The following PCDHGA9 variants were observed in gnomAD, a reference collection of about 807,000 sequenced individuals.
The protein encoded by PCDHGA9 is protocadherin gamma-A9.
In PCDHGA9, 37 loss-of-function variants were observed where a neutral mutation model predicts 62.5. The ratio of observed to expected loss-of-function variants is 0.59; its 90% CI spans 0.46 to 0.78. The LOEUF (loss-of-function observed/expected upper bound fraction) is 0.78. Among genes scored for constraint, PCDHGA9 ranks in the 30% least tolerant of loss-of-function variants. The pLI is 0.00. For missense variants in PCDHGA9, 1,138 were observed against 1,166.2 expected (o/e 0.98, Z 0.35); for synonymous variants, 459 against 484.6 (o/e 0.95, Z 0.69).
Position 141,489,089 on chromosome 5 carries a change from A to T in PCDHGA9, c.2425-5718A>T, listed in dbSNP as rs1214993065. The T allele has an allele frequency of 7.4e-5, 21 of 284,398 alleles. No homozygotes were observed. Among genetic ancestry groups the T allele is most frequent in the East Asian group, 1.1e-4 (2 of 17,560 alleles). The allele number at this position is 284,398 out of a possible 1,614,324, so 17.6% of individuals were successfully genotyped here. On this transcript the variant is annotated intron_variant, in intron 1 of 3. Coordinates refer to ENST00000573521, the MANE Select transcript of PCDHGA9 (RefSeq NM_018921.3). This position sits in a 1 kb window ranked among gnomAD's most constrained non-coding sequence, Gnocchi z 4.5. ...CCCTGCCCACCCCCGCCACTCGGTGACTAAGAACTGCTGCAAGCAGGCAAA... is the reference window on the plus strand; with the variant it reads ...CCCTGCCCACCCCCGCCACTCGGTGTCTAAGAACTGCTGCAAGCAGGCAAA...
rs2154586601 is a variant in PCDHGA9, at chr5:141,491,555, A to G, written c.2425-3252A>G. The G allele has an allele frequency of 6.2e-7, 1 of 1,613,986 alleles. No homozygotes were observed. The highest frequency in any genetic ancestry group is 2.2e-5 in the East Asian group (1 of 44,862). ...CTGCGGCCCACAGACTCGCAGAGCC[A>G]CTGCTACAGGACGTGCTTTTCACCG... On this transcript the variant is annotated intron_variant, in intron 1 of 3. Transcript: ENST00000573521. This position sits in a 1 kb window ranked among gnomAD's most constrained non-coding sequence, Gnocchi z 6.9.
In PCDHGA9 at chr5:141,486,336, G is replaced by A. The variant is rs534793835; in HGVS notation, c.2425-8471G>A. 3.8e-5 allele frequency: 61 copies of A among 1,613,992 alleles called. No individual in the cohort carries two copies. In the African/African-American group the frequency reaches 4.3e-4, roughly 11 times the overall value. On this transcript the variant is annotated intron_variant, in intron 1 of 3. Coordinates refer to ENST00000573521, the MANE Select transcript of PCDHGA9 (RefSeq NM_018921.3). The surrounding 1 kb of genome is among the most constrained non-coding windows in gnomAD (Gnocchi z 5.0). The stretch of plus-strand genomic sequence containing the variant: ...GGGTCAAACGGAGATGTGAGCCTCC[G>A]CATTCCTGACCACTTGCCATTTGCC...
Position 141,417,931 on chromosome 5 carries a change from G to C in PCDHGA9, c.2424+12555G>C, listed in dbSNP as rs551432799. The C allele has an allele frequency of 6.2e-6, 10 of 1,611,500 alleles. No homozygotes were observed. In the South Asian group the frequency reaches 9.9e-5, roughly 16 times the overall value. On this transcript the variant is annotated intron_variant, in intron 1 of 3. Transcript: ENST00000573521. ...TACTATTTCCTTTGCTGCTGCCTTT[G>C]TTCTACCCCACGCTGTGTGAGCCGA...
rs2099612668 is a variant in PCDHGA9, at chr5:141,485,382, TGA to T, written c.2425-9424_2425-9423del. The T allele has an allele frequency of 6.2e-7, 1 of 1,613,538 alleles. No homozygotes were observed. The highest frequency in any genetic ancestry group is 8.5e-7 in the Non-Finnish European group (1 of 1,179,906). On this transcript the variant is annotated intron_variant, in intron 1 of 3. Coordinates refer to ENST00000573521, the MANE Select transcript of PCDHGA9 (RefSeq NM_018921.3). The surrounding 1 kb of genome is among the most constrained non-coding windows in gnomAD (Gnocchi z 5.7). ...CGCAGGCTGCAGGTCGCTGGAGAGG[TGA>T]ACCAAAGACACTTCCGTGTGGATTT...
intron 1 of PCDHGA9, chr5:141,408,244 G>A (rs746604555): frequency 6.3e-7 from 1 of 1,585,990 alleles, no homozygotes; most frequent in Non-Finnish European, 8.6e-7. Context: ...CCGGCCCGCG[G>A]CAGGTGCTAT....
rs762138055 is a variant in PCDHGA9, at chr5:141,490,757, T to C, written c.2425-4050T>C. 6.2e-7 allele frequency: 1 copy of C among 1,613,918 alleles called. No homozygotes were observed. The highest frequency in any genetic ancestry group is 2.2e-5 in the East Asian group (1 of 44,892). On this transcript the variant is annotated intron_variant, in intron 1 of 3. Coordinates refer to ENST00000573521, the MANE Select transcript of PCDHGA9 (RefSeq NM_018921.3). The surrounding 1 kb of genome is among the most constrained non-coding windows in gnomAD (Gnocchi z 5.4). ...GTTCAGGGAGCCCCAGCCTCCTCCT[T>C]TGTGTATGTCAACCCAGAGGATGGA...
chr5:141,421,239 G>T (rs773410079), intron 1 of PCDHGA9: 5 of 1,599,000 alleles, frequency 3.1e-6, no homozygotes, highest in Middle Eastern at 3.3e-4. Flanking sequence ...TGGCGAATCG[G>T]CTACAGCGCG....
intron 1 of PCDHGA9, among the ~76,000 whole-genome samples, chr5:141,463,684 G>C (rs2099066814): frequency 6.6e-6 from 1 of 151,910 alleles, no homozygotes; most frequent in African/African-American, 2.4e-5. Flanking sequence ...ATGACCTCGT[G>C]ATCTGCTCAC....
At position 141,450,006 on chromosome 5, in the gene PCDHGA9, C is replaced by CTTTTT. The variant is rs1554136305; in HGVS notation, c.2424+44644_2424+44648dup. ...CACATTGCATTTAGTTGCCATGTCTCTTTTTTTTTTTTTTTTTTGAGACAG... is the reference window on the plus strand; with the variant it reads ...CACATTGCATTTAGTTGCCATGTCTCTTTTTTTTTTTTTTTTTTTTTTTGAGACAG... On this transcript the variant is annotated intron_variant, in intron 1 of 3. Transcript: ENST00000573521. Among the ~76,000 whole-genome samples the CTTTTT allele has an allele frequency of 3.4e-4, 45 of 132,908 alleles. 3 individuals carry two copies. Among genetic ancestry groups the CTTTTT allele is most frequent in the South Asian group, 7.1e-4 (3 of 4,236 alleles). 87.2% of individuals were successfully genotyped at this position (132,908 alleles called of 152,430 possible).
chr5:141,477,710 GA>G lies in PCDHGA9; in HGVS notation c.2425-17095del. ...GCCCCTAGACTATGAGGATCGGCGG[GA>G]ATTTGAATTAACAGCTCATATCAGC... On this transcript the variant is annotated intron_variant, in intron 1 of 3. Coordinates refer to ENST00000573521, the MANE Select transcript of PCDHGA9 (RefSeq NM_018921.3). This position sits in a 1 kb window ranked among gnomAD's most constrained non-coding sequence, Gnocchi z 4.9. 2 of 1,613,918 alleles carry G rather than the reference GA, an allele frequency of 1.2e-6. No individual in the cohort carries two copies. Among genetic ancestry groups the G allele is most frequent in the Non-Finnish European group, 1.7e-6 (2 of 1,180,044 alleles).
chr5:141,495,122 C>T (rs1365586518), intron 2 of PCDHGA9, among the ~76,000 whole-genome samples: 2 of 152,282 alleles, frequency 1.3e-5, no homozygotes, highest in East Asian at 3.9e-4. Flanking sequence ...TTCCTATCCC[C>T]TGAGGGCACT....
chr5:141,487,001 C>T lies in PCDHGA9; in HGVS notation c.2425-7806C>T. ...TTACAATGCTTGGGTTTCCTATCAG[C>T]TCCTGGAGGCCCCAGATCCCAGCCT... On this transcript the variant is annotated intron_variant, in intron 1 of 3. Transcript: ENST00000573521. This position sits in a 1 kb window ranked among gnomAD's most constrained non-coding sequence, Gnocchi z 5.0. 6.2e-7 allele frequency: 1 copy of T among 1,614,218 alleles called. No individual in the cohort carries two copies. The highest frequency in any genetic ancestry group is 8.5e-7 in the Non-Finnish European group (1 of 1,180,038).
rs199552905 is a variant in PCDHGA9 at position 141,423,400 on chromosome 5, C to A, written c.2424+18024C>A. On this transcript the variant is annotated intron_variant, in intron 1 of 3. Transcript: ENST00000573521. Reference sequence around the variant, plus strand: ...GCTGTGGCGCTGGCATAAGTCACGCCTGCTGCAGGCTTCTGAAGGCGGGTT... The same window carrying A: ...GCTGTGGCGCTGGCATAAGTCACGCATGCTGCAGGCTTCTGAAGGCGGGTT... 62 of 1,614,152 alleles carry A rather than the reference C, an allele frequency of 3.8e-5. No homozygotes were observed. The African/African-American group carries it at 6.9e-4, about 18-fold the overall frequency.
chr5:141,451,745 G>T (rs562443882), intron 1 of PCDHGA9, among the ~76,000 whole-genome samples: 36 of 152,242 alleles, frequency 2.4e-4, no homozygotes, highest in Middle Eastern at 3.4e-3. Context: ...AGCTGGTCTG[G>T]TGGTGCATGC....
At chr5:141,429,610 T>C (rs2097228693) in intron 1 of PCDHGA9, among the ~76,000 whole-genome samples, 2 of 152,230 alleles carry the variant, frequency 1.3e-5, no homozygotes, top group African/African-American at 4.8e-5. Flanking sequence ...AACTCAATTT[T>C]ATGTCTGATA....
intron 1 of PCDHGA9, among the ~76,000 whole-genome samples, chr5:141,430,204 AATT>A (rs1179966513): frequency 6.6e-6 from 1 of 151,962 alleles, no homozygotes; most frequent in African/African-American, 2.4e-5. Context: ...AGAAAGTTTA[AATT>A]ATTATATTAT....
rs766940096 is a variant in PCDHGA9, at chr5:141,404,337, C to T, written c.1385C>T (p.Pro462Leu). The change falls in exon 1 of 4, where the codon CCG becomes CTG. Residue 462 changes from proline to leucine, a missense_variant. Transcript: ENST00000573521. ...FSQASYSVYL[P>L]ENNARGTSIF... ...CAAGCCTCCTACTCAGTCTACCTCC[C>T]GGAAAACAACGCCAGAGGTACTTCC... 8 of 1,613,902 alleles carry T rather than the reference C, an allele frequency of 5.0e-6. No individual in the cohort carries two copies. The highest frequency in any genetic ancestry group is 1.7e-5 in the Admixed American group (1 of 60,018).
At chr5:141,419,325 AC>A (rs768622826) in intron 1 of PCDHGA9, 1 of 1,613,702 alleles carries the variant, frequency 6.2e-7, no homozygotes, top group Non-Finnish European at 8.5e-7. Context: ...CGTGTCTCCT[AC>A]TCTCTCATTG....
intron 1 of PCDHGA9, chr5:141,418,503 T>G (rs2096264259): frequency 6.2e-7 from 1 of 1,613,828 alleles, no homozygotes. Flanking sequence ...CTGACCGCCT[T>G]AGATGGTGGG....
Sources: allele counts gnomAD v4.1 joint callset (sites outside exome capture counted in the v4.1 genomes callset), GRCh38; gene constraint gnomAD v4.1.1; non-coding constraint Gnocchi (gnomAD v3.1); transcripts MANE v1.5; gene names NCBI Gene and HGNC (gene_info 2026-07-23, HGNC 2026-07-21).